The following ASIC2 variants were observed in gnomAD, a reference collection of about 807,000 sequenced individuals.
The protein encoded by ASIC2 is acid sensing ion channel subunit 2, also known as acid-sensing ion channel 2.
In ASIC2, 25 loss-of-function variants were observed where a neutral mutation model predicts 57.3. The ratio of observed to expected loss-of-function variants is 0.44; its 90% CI spans 0.32 to 0.61. The LOEUF (loss-of-function observed/expected upper bound fraction) is 0.61, where lower values mean the gene tolerates loss of function less well. Among genes scored for constraint, ASIC2 ranks in the 20% least tolerant of loss-of-function variants. The probability of loss-of-function intolerance (pLI) is 0.06; values close to 1 mark genes in which losing one functional copy is unlikely to be tolerated. For missense variants in ASIC2, 641 were observed against 738.1 expected, an observed-to-expected ratio of 0.87 and a Z score of 1.52; for synonymous variants, 319 against 307.5, an observed-to-expected ratio of 1.04 and a Z score of -0.39.
chr17:33,302,082 T>A (rs530179065), intron 1 of ASIC2, among the ~76,000 whole-genome samples: 17 of 152,350 alleles, frequency 1.1e-4, no homozygotes, highest in Non-Finnish European at 2.1e-4. Context: ...TCATAATTAA[T>A]GTCTCCTTCC....
intron 1 of ASIC2, among the ~76,000 whole-genome samples, chr17:33,678,746 T>A (rs781516783): frequency 6.6e-6 from 1 of 152,144 alleles, no homozygotes; most frequent in Admixed American, 6.5e-5. Context: ...CAGGAGCAGC[T>A]GCATCCAGCT....
At chr17:33,756,007 G>T (rs190324936) in intron 1 of ASIC2, among the ~76,000 whole-genome samples, 5 of 152,214 alleles carry the variant, frequency 3.3e-5, no homozygotes, top group Non-Finnish European at 7.3e-5. Context: ...CTTGCTAAGC[G>T]CATGTGTGCA....
intron 1 of ASIC2, among the ~76,000 whole-genome samples, chr17:33,740,080 A>G (rs891365078): frequency 1.3e-5 from 2 of 152,200 alleles, no homozygotes; most frequent in South Asian, 4.1e-4. Context: ...GCCCAGAGGC[A>G]GAAAGGAGAG....
chr17:33,293,934 G>C (rs965013896), upstream of ASIC2, among the ~76,000 whole-genome samples: 2 of 152,098 alleles, frequency 1.3e-5, no homozygotes, highest in Non-Finnish European at 2.9e-5. Flanking sequence ...GTGTGTATGT[G>C]CATGTGTTGT....
At chr17:33,383,969 G>T (rs891896226) in intron 1 of ASIC2, among the ~76,000 whole-genome samples, 1 of 152,166 alleles carries the variant, frequency 6.6e-6, no homozygotes, top group African/African-American at 2.4e-5. Flanking sequence ...ACCAGAGAGT[G>T]GTGTGGCTGT....
At chr17:33,948,994 G>T (rs1222729167) in intron 1 of ASIC2, among the ~76,000 whole-genome samples, 2 of 152,188 alleles carry the variant, frequency 1.3e-5, no homozygotes, top group Non-Finnish European at 2.9e-5. Flanking sequence ...GATTTGTAAA[G>T]AAATGAGTGG....
chr17:33,499,889 G>T (rs1914049790), intron 1 of ASIC2, among the ~76,000 whole-genome samples: 1 of 152,172 alleles, frequency 6.6e-6, no homozygotes. Context: ...TCCTAATGAT[G>T]GTGTTGGCAT....
intron 1 of ASIC2, among the ~76,000 whole-genome samples, chr17:33,964,939 T>C (rs1300578725): frequency 3.9e-5 from 6 of 152,190 alleles, no homozygotes; most frequent in Admixed American, 1.3e-4. Context: ...AATGTTGAAT[T>C]CTTGGCTAAC....
At chr17:33,016,120 C>A in intron 8 of ASIC2, 81 bp from the exon 9 acceptor site, 1 of 1,395,118 alleles carries the variant, frequency 7.2e-7, no homozygotes, top group Admixed American at 1.7e-5. Flanking sequence ...TTGGGCCCCA[C>A]TGGGGTGGCA....
intron 1 of ASIC2, among the ~76,000 whole-genome samples, chr17:33,748,866 C>T (rs187701182): frequency 2.3e-4 from 35 of 152,334 alleles, no homozygotes; most frequent in Non-Finnish European, 2.9e-4. Flanking sequence ...GCGAGAGCCA[C>T]GCAGGAGCTC....
At chr17:33,592,626 C>T (rs900690102) in intron 1 of ASIC2, among the ~76,000 whole-genome samples, 6 of 152,192 alleles carry the variant, frequency 3.9e-5, no homozygotes, top group African/African-American at 7.2e-5. Flanking sequence ...GCTCTGTGTA[C>T]GTGGTGAGTA....
chr17:33,393,967 GTC>G (rs998023046), intron 1 of ASIC2, among the ~76,000 whole-genome samples: 2 of 152,168 alleles, frequency 1.3e-5, no homozygotes, highest in Non-Finnish European at 2.9e-5. Flanking sequence ...ACCTCTTTAT[GTC>G]TCTCTTTCCT....
intron 1 of ASIC2, chr17:34,037,957 T>G: frequency 6.2e-7 from 1 of 1,613,696 alleles, no homozygotes; most frequent in Non-Finnish European, 8.5e-7. Context: ...ACACATCAAC[T>G]TTATTTGAGA....
In ASIC2 at chr17:33,291,113, TCACAGACGGGA is replaced by T; in HGVS notation, c.708+284_708+294del. On this transcript the variant is annotated intron_variant, in intron 1 of 9. Coordinates refer to ENST00000225823, the MANE Select transcript of ASIC2 (RefSeq NM_183377.2). Reference sequence around the variant, plus strand: ...CGGGAAGAAGGAGGCTGACTAATATTCACAGACGGGACCATAAGGAGTAGAATGAGGGCTTT... The same window carrying T: ...CGGGAAGAAGGAGGCTGACTAATATTCCATAAGGAGTAGAATGAGGGCTTT... 6.5e-6 allele frequency: 3 copies of T among 461,760 alleles called. No homozygotes were observed. The East Asian group carries it at 1.1e-4, about 17-fold the overall frequency. 28.6% of individuals were successfully genotyped at this position (461,760 alleles called of 1,614,324 possible).
intron 1 of ASIC2, among the ~76,000 whole-genome samples, chr17:33,823,636 C>A (rs937705125): frequency 6.6e-6 from 1 of 152,170 alleles, no homozygotes; most frequent in Non-Finnish European, 1.5e-5. Flanking sequence ...CCTTTCTGTT[C>A]CTTCATTCGC....
intron 1 of ASIC2, among the ~76,000 whole-genome samples, chr17:33,995,198 C>G (rs4381642): frequency 3.0e-3 from 454 of 152,282 alleles, no homozygotes; most frequent in African/African-American, 0.01. Context: ...GATTTTATCT[C>G]TCTGATAAAT....
chr17:33,704,204 C>A (rs1908793760), intron 1 of ASIC2, among the ~76,000 whole-genome samples: 1 of 152,192 alleles, frequency 6.6e-6, no homozygotes, highest in Admixed American at 6.5e-5. Flanking sequence ...AGAGCATGCA[C>A]GTTTTGATTT....
chr17:33,984,444 C>T (rs927297624), intron 1 of ASIC2: 3 of 152,208 alleles, frequency 2.0e-5, no homozygotes, highest in Non-Finnish European at 2.9e-5. Flanking sequence ...CAATCAAACA[C>T]GCCTACATCG....
chr17:33,767,908 A>G (rs976623624), intron 1 of ASIC2, among the ~76,000 whole-genome samples: 4 of 152,230 alleles, frequency 2.6e-5, no homozygotes, highest in African/African-American at 4.8e-5. Flanking sequence ...TTCAGTTCCA[A>G]TGTACTCAAA....
Sources: gnomAD v4.1 joint callset for allele counts (sites outside exome capture counted in the v4.1 genomes callset) on GRCh38, gnomAD v4.1.1 for gene constraint, MANE v1.5 for transcripts, NCBI Gene and HGNC (gene_info 2026-07-23, HGNC 2026-07-21) for gene names.